MED16: variants seen among roughly 807,000 people sequenced by gnomAD.
MED16 encodes the protein mediator of RNA polymerase II transcription subunit 16.
In MED16, 81 loss-of-function variants were observed where a neutral mutation model predicts 84.4. That is an observed-to-expected ratio of 0.96 (90% CI 0.80 to 1.15). MED16 has a LOEUF of 1.15. MED16 is among the 50% of genes most tolerant of loss of function. MED16 has a pLI of 0.00. For missense variants in MED16, 1,585 were observed against 1,245.9 expected, an observed-to-expected ratio of 1.27 and a Z score of -4.10; for synonymous variants, 897 against 552.2, an observed-to-expected ratio of 1.62 and a Z score of -8.76.
rs1053586405 is a variant in MED16, at chr19:875,765, G to A, written c.1561-311C>T. On this transcript the variant is annotated intron_variant, in intron 9 of 15. Coordinates refer to ENST00000325464, the MANE Select transcript of MED16 (RefSeq NM_005481.3). ...GTAACGGGTGGAGGCTGGGGAGGCTGCTCAACAGGACACCCCCATCCCAGA... is the reference window on the plus strand; with the variant it reads ...GTAACGGGTGGAGGCTGGGGAGGCTACTCAACAGGACACCCCCATCCCAGA... Among the ~76,000 whole-genome samples the A allele has an allele frequency of 2.6e-5, 4 of 152,266 alleles. No homozygotes were observed. The South Asian group carries it at 6.2e-4, about 24-fold the overall frequency.
In MED16 at chr19:872,094, T is replaced by A. The variant is rs753703015; in HGVS notation, c.1930A>T (p.Ser644Cys). ...NQGSLLRPGH[S>C]FLRDGTSLGM... ...AGCGAGGTGCCGTCCCGCAGAAAGC[T>A]GTGGCCCGGCCTCAGCAGGGAACCC... The change falls in exon 12 of 16, where the codon AGC becomes TGC. Residue 644 changes from serine (S) to cysteine (C), a missense_variant. By Grantham distance (112) the Ser-to-Cys change is moderately radical (BLOSUM62 -1). Transcript: ENST00000325464. 2.5e-6 allele frequency: 4 copies of A among 1,606,920 alleles called. No homozygotes were observed. The South Asian group carries it at 3.3e-5, about 13-fold the overall frequency.
In MED16 at chr19:872,838, TGAG is replaced by T. The variant is rs2036115271; in HGVS notation, c.1905+608_1905+610del. 6.0e-6 allele frequency: 3 copies of T among 501,740 alleles called. No homozygotes were observed. The South Asian group carries it at 1.7e-4, about 28-fold the overall frequency. 31.1% of individuals were successfully genotyped at this position (501,740 alleles called of 1,614,324 possible). A position where few individuals can be genotyped will look rare whatever the true frequency, so the allele number is the denominator to read the frequency against. ...ACCGGCCTTCGTGTAGGGGTGGGGCTGAGAAGGAGCAGGGCCTGGGAGGCGGGG... is the reference window on the plus strand; with the variant it reads ...ACCGGCCTTCGTGTAGGGGTGGGGCTAAGGAGCAGGGCCTGGGAGGCGGGG... On this transcript the variant is annotated intron_variant, in intron 11 of 15. Transcript: ENST00000325464.
chr19:882,277 G>C (rs900356385), intron 6 of MED16, among the ~76,000 whole-genome samples: 1 of 152,220 alleles, frequency 6.6e-6, no homozygotes, highest in African/African-American at 2.4e-5. Context: ...GGAAGCCAAC[G>C]CCAGAGGATG....
At chr19:871,587 A>T in intron 12 of MED16, 1 of 1,595,926 alleles carries the variant, frequency 6.3e-7, no homozygotes, top group Non-Finnish European at 8.5e-7. Flanking sequence ...CCCGACAAGG[A>T]GAGACAGCAA....
chr19:868,365 AGCTGGGCTCAGGG>A (rs772172157), intron 15 of MED16, 38 bp downstream of exon 15: 1 of 1,600,968 alleles, frequency 6.2e-7, no homozygotes, highest in Non-Finnish European at 8.5e-7. Context: ...GCTGAGGGGC[AGCTGGGCTCAGGG>A]GTAGCTGAGG....
Position 890,189 on chromosome 19 carries a change from C to T in MED16, c.225G>A (p.Ser75=), listed in dbSNP as rs764767247. 4 of 1,554,396 alleles carry T rather than the reference C, an allele frequency of 2.6e-6. No individual in the cohort carries two copies. The highest frequency in any genetic ancestry group is 2.7e-5 in the African/African-American group (2 of 73,194). The change falls in exon 3 of 16, where the codon TCG becomes TCA. Residue 75 remains serine, a synonymous_variant. Coordinates refer to ENST00000325464, the MANE Select transcript of MED16 (RefSeq NM_005481.3). ...LDTEHPWDLH[S]IPSEHHEAIT... ...TGGCCTCGTGGTGCTCTGAGGGGAT[C>T]GAGTGCAGGTCCCAGGGGTGCTCCG...
chr19:884,241 C>G (rs1296378738), intron 6 of MED16, among the ~76,000 whole-genome samples: 2 of 152,240 alleles, frequency 1.3e-5, no homozygotes, highest in Admixed American at 6.5e-5. Flanking sequence ...CTCCGAGGCT[C>G]TGAAAACCAA....
chr19:876,945 A>G (rs765953766), intron 9 of MED16, 29 bp downstream of exon 9: 3 of 1,581,120 alleles, frequency 1.9e-6, no homozygotes, highest in Admixed American at 3.4e-5. Context: ...CCCACCTGCC[A>G]CGGGGCCCCA....
chr19:874,858 A>C (rs1038115335), intron 10 of MED16, among the ~76,000 whole-genome samples: 2 of 152,080 alleles, frequency 1.3e-5, no homozygotes, highest in Non-Finnish European at 2.9e-5. Flanking sequence ...TGACACAGTG[A>C]GACCGTCTCT....
intron 7 of MED16, among the ~76,000 whole-genome samples, 185 bp from the exon 8 acceptor site, chr19:880,333 C>G (rs1189429642): frequency 6.6e-6 from 1 of 152,256 alleles, no homozygotes; most frequent in Admixed American, 6.5e-5. Flanking sequence ...TCCCTGAGCA[C>G]CAGGGGAGCA....
chr19:892,923 CGCCCCGCGCCCCGCGCCCCA>C (rs2036671284), intron 1 of MED16, 143 bp downstream of exon 1: 1 of 95,356 alleles, frequency 1.0e-5, no homozygotes. Context: ...CCGCGCCCCG[CGCCCCGCGCCCCGCGCCCCA>C]GGCCGCCTAC....
At chr19:877,879 C>G (rs12973405) in intron 8 of MED16, among the ~76,000 whole-genome samples, 619 of 119,372 alleles carry the variant, frequency 5.2e-3, no homozygotes, top group Middle Eastern at 0.029. Flanking sequence ...TCGCCTTCCC[C>G]TGGTTGTCAA....
chr19:886,482 T>G (rs539065477), intron 4 of MED16, among the ~76,000 whole-genome samples: 2 of 152,254 alleles, frequency 1.3e-5, no homozygotes, highest in African/African-American at 4.8e-5. Flanking sequence ...CCCCTTTCTG[T>G]AAAGGGACAG....
intron 8 of MED16, 26 bp downstream of exon 8, chr19:879,911 C>G: frequency 6.5e-7 from 1 of 1,537,804 alleles, no homozygotes; most frequent in Non-Finnish European, 8.8e-7. Context: ...CCACCAGCCC[C>G]GGCCCCACGT....
At chr19:870,504 T>C (rs1284279221) in intron 13 of MED16, among the ~76,000 whole-genome samples, 7 of 141,758 alleles carry the variant, frequency 4.9e-5, no homozygotes, top group Admixed American at 1.5e-4. Context: ...GACGTTGCAG[T>C]GGGCCAAGAC....
rs369228460 is a variant in MED16, at chr19:868,967, G to T, written c.2316-21C>A. 1.4e-5 allele frequency: 21 copies of T among 1,526,906 alleles called. No homozygotes were observed. In the African/African-American group the frequency reaches 1.5e-4, roughly 11 times the overall value. The allele number at this position is 1,526,906 out of a possible 1,614,324, so 94.6% of individuals were successfully genotyped here. A position where few individuals can be genotyped will look rare whatever the true frequency, so the allele number is the denominator to read the frequency against. Reference sequence around the variant, plus strand: ...GGGCCCTGGCGGGAGAGGGGAGAACGTGAGGGAGGCCTGGGCACCACGAGG... The same window carrying T: ...GGGCCCTGGCGGGAGAGGGGAGAACTTGAGGGAGGCCTGGGCACCACGAGG... On this transcript the variant is annotated intron_variant, in intron 13 of 15. Transcript: ENST00000325464.
chr19:877,343 C>G (rs1402391802), intron 8 of MED16, among the ~76,000 whole-genome samples, 163 bp from the exon 9 acceptor site: 1 of 152,174 alleles, frequency 6.6e-6, no homozygotes, highest in Non-Finnish European at 1.5e-5. Context: ...CTGTACCTTT[C>G]TGTCAGGGTC....
chr19:878,576 A>ACG (rs2036327055), intron 8 of MED16, among the ~76,000 whole-genome samples: 1 of 9,708 alleles, frequency 1.0e-4, no homozygotes, highest in Admixed American at 1.2e-3. Flanking sequence ...CCAGCCCCAC[A>ACG]TGCCCCAGCA....
In MED16 at chr19:868,107, A is replaced by C. The variant is rs764354653; in HGVS notation, c.2628T>G (p.Arg876=). 19 of 1,607,786 alleles carry C rather than the reference A, an allele frequency of 1.2e-5. No individual in the cohort carries two copies. Among genetic ancestry groups the C allele is most frequent in the Non-Finnish European group, 1.6e-5 (19 of 1,178,484 alleles). Residue 876 remains arginine (R), a synonymous_variant, in exon 16 of 16, where the codon CGT becomes CGG. Transcript: ENST00000325464. ...RSLDHLHPED[R]P ...CCGCCTGGACCCCCGGCCGTCACGG[A>C]CGGTCCTCTGGATGCAGATGGTCCA...
Sources: allele counts gnomAD v4.1 joint callset (sites outside exome capture counted in the v4.1 genomes callset), GRCh38; gene constraint gnomAD v4.1.1; transcripts MANE v1.5; gene names NCBI Gene and HGNC (gene_info 2026-07-23, HGNC 2026-07-21).